Variants in NUBPL observed in about 807,000 individuals in gnomAD.
NUBPL encodes NUBP iron-sulfur cluster assembly factor, mitochondrial.
A neutral mutation model predicts 45.7 loss-of-function variants in NUBPL; 31 were observed. The ratio of observed to expected loss-of-function variants is 0.68; its 90% CI spans 0.51 to 0.92. The LOEUF (loss-of-function observed/expected upper bound fraction) is 0.92, where lower values mean the gene tolerates loss of function less well. Ranked by LOEUF, NUBPL falls within the 40% of genes least tolerant of loss-of-function variation. The pLI is 0.00. For missense variants in NUBPL, 401 were observed against 398.7 expected, an observed-to-expected ratio of 1.01 and a Z score of -0.05; for synonymous variants, 144 against 140.9, an observed-to-expected ratio of 1.02 and a Z score of -0.15.
chr14:31,658,681 T>C (rs2036199506), intron 4 of NUBPL, among the ~76,000 whole-genome samples: 1 of 152,076 alleles, frequency 6.6e-6, no homozygotes, highest in South Asian at 2.1e-4. Flanking sequence ...CCGGCTAATC[T>C]TTGTATTTTT....
intron 4 of NUBPL, among the ~76,000 whole-genome samples, chr14:31,664,376 A>G (rs2036352575): frequency 6.6e-6 from 1 of 152,186 alleles, no homozygotes; most frequent in South Asian, 2.1e-4. Flanking sequence ...TGGATTTGTC[A>G]TAAATCGCTT....
intron 6 of NUBPL, among the ~76,000 whole-genome samples, chr14:31,735,865 G>A (rs999504546): frequency 2.0e-5 from 3 of 152,028 alleles, no homozygotes; most frequent in Non-Finnish European, 2.9e-5. Flanking sequence ...AAAAATCAGA[G>A]TGAATATAAA....
chr14:31,693,950 G>A (rs1428950777), intron 6 of NUBPL, among the ~76,000 whole-genome samples: 1 of 149,560 alleles, frequency 6.7e-6, no homozygotes, highest in South Asian at 2.1e-4. Context: ...CCGCCTCCTG[G>A]GTTCACACCA....
chr14:31,636,758 C>T (rs2035515324), intron 4 of NUBPL, among the ~76,000 whole-genome samples: 2 of 152,206 alleles, frequency 1.3e-5, no homozygotes, highest in African/African-American at 4.8e-5. Flanking sequence ...ATTATTGCCA[C>T]AATTTCAGAG....
chr14:31,601,233 G>A (rs2034424895), intron 4 of NUBPL, among the ~76,000 whole-genome samples: 1 of 152,174 alleles, frequency 6.6e-6, no homozygotes, highest in South Asian at 2.1e-4. Flanking sequence ...ACTTGGTGAT[G>A]CAGGCTCTTT....
intron 6 of NUBPL, among the ~76,000 whole-genome samples, chr14:31,762,319 A>G (rs1045124928): frequency 2.0e-5 from 3 of 152,228 alleles, no homozygotes; most frequent in Non-Finnish European, 2.9e-5. Flanking sequence ...GATAGCACCT[A>G]TAAAATTGAT....
intron 6 of NUBPL, among the ~76,000 whole-genome samples, chr14:31,747,736 T>C (rs1595575302): frequency 6.6e-6 from 1 of 152,306 alleles, no homozygotes; most frequent in African/African-American, 2.4e-5. Flanking sequence ...TTGTCAAATT[T>C]GATTATCTTT....
chr14:31,635,583 G>C (rs1325501702), intron 4 of NUBPL, among the ~76,000 whole-genome samples: 1 of 151,656 alleles, frequency 6.6e-6, no homozygotes, highest in Non-Finnish European at 1.5e-5. Context: ...GCTCTTTTTT[G>C]GTTCCATATG....
intron 7 of NUBPL, among the ~76,000 whole-genome samples, chr14:31,810,751 G>T (rs901207361): frequency 5.9e-5 from 9 of 152,170 alleles, no homozygotes; most frequent in Admixed American, 2.0e-4. Context: ...TGCAGTGGCT[G>T]GTACTTATTG....
intron 3 of NUBPL, among the ~76,000 whole-genome samples, chr14:31,596,141 T>C (rs1430162845): frequency 2.6e-5 from 4 of 152,062 alleles, no homozygotes; most frequent in African/African-American, 9.7e-5. Flanking sequence ...CTCCTGACCT[T>C]GTGATCCGCC....
intron 4 of NUBPL, among the ~76,000 whole-genome samples, chr14:31,608,458 G>C (rs1186847529): frequency 6.6e-6 from 1 of 152,068 alleles, no homozygotes; most frequent in Non-Finnish European, 1.5e-5. Context: ...GGAGGCTGAG[G>C]CAGGAGACTC....
At chr14:31,850,721 A>G (rs937362165) in intron 10 of NUBPL, among the ~76,000 whole-genome samples, 13 of 152,090 alleles carry the variant, frequency 8.5e-5, no homozygotes, top group African/African-American at 2.7e-4. Flanking sequence ...CCCATGCTCA[A>G]GCAATCTTCG....
Position 31,696,981 on chromosome 14 carries a change from A to G in NUBPL, c.513+23407A>G, listed in dbSNP as rs547980299. 1.2e-4 allele frequency among the ~76,000 whole-genome samples: 19 copies of G among 152,368 alleles called. No individual in the cohort carries two copies. The East Asian group carries it at 2.7e-3, about 22-fold the overall frequency. On this transcript the variant is annotated intron_variant, in intron 6 of 10. Transcript: ENST00000281081. ...GGAAGTAACAAGAAAGAGAAAGGAC[A>G]TAAAGGTACTATGAAATTGAAGCCA...
In NUBPL at chr14:31,579,070, T is replaced by C. The variant is rs140817561; in HGVS notation, c.291+14022T>C. Among the ~76,000 whole-genome samples, 970 of 152,300 alleles carry C rather than the reference T, an allele frequency of 6.4e-3. 10 individuals are homozygous for C. Among genetic ancestry groups the C allele is most frequent in the African/African-American group, 0.022 (907 of 41,568 alleles). On this transcript the variant is annotated intron_variant, in intron 3 of 10. Transcript: ENST00000281081. ...CCTGCATGGCTATAGGGTTGCTGTT[T>C]CACTTTTTTCTGAGTAGATAAGGAA...
chr14:31,800,006 A>G (rs1280920316), intron 7 of NUBPL, among the ~76,000 whole-genome samples: 1 of 152,190 alleles, frequency 6.6e-6, no homozygotes, highest in Non-Finnish European at 1.5e-5. Context: ...CTTTGTTGTC[A>G]TTTCAACAGT....
chr14:31,754,704 T>A (rs1355998227), intron 6 of NUBPL, among the ~76,000 whole-genome samples: 2 of 151,312 alleles, frequency 1.3e-5, no homozygotes, highest in Admixed American at 6.6e-5. Context: ...AAATTTTTTT[T>A]ATTATTATTA....
At chr14:31,651,457 A>G (rs1004433287) in intron 4 of NUBPL, among the ~76,000 whole-genome samples, 1 of 152,154 alleles carries the variant, frequency 6.6e-6, no homozygotes, top group Non-Finnish European at 1.5e-5. Flanking sequence ...AGGATGGGTT[A>G]TCTCAGGTAT....
At chr14:31,615,237 C>T (rs1473464590) in intron 4 of NUBPL, among the ~76,000 whole-genome samples, 3 of 152,132 alleles carry the variant, frequency 2.0e-5, no homozygotes, top group Non-Finnish European at 4.4e-5. Flanking sequence ...TTGCCTTCCA[C>T]CATGATTGTA....
At chr14:31,636,906 A>T (rs914310724) in intron 4 of NUBPL, among the ~76,000 whole-genome samples, 3 of 152,122 alleles carry the variant, frequency 2.0e-5, no homozygotes, top group African/African-American at 7.2e-5. Context: ...CTCTGATGGT[A>T]GTTTGTATTT....
Sources: allele counts gnomAD v4.1 joint callset (sites outside exome capture counted in the v4.1 genomes callset), GRCh38; gene constraint gnomAD v4.1.1; transcripts MANE v1.5; gene names NCBI Gene and HGNC (gene_info 2026-07-23, HGNC 2026-07-21).